Variants in ESR1 observed in about 807,000 individuals in gnomAD.
ESR1 encodes estrogen receptor.
In ESR1, 12 loss-of-function variants were observed where a neutral mutation model predicts 52.7. The ratio of observed to expected loss-of-function variants is 0.23; its 90% CI spans 0.15 to 0.37. ESR1 has a LOEUF of 0.37. Among genes scored for constraint, ESR1 ranks in the 10% least tolerant of loss-of-function variants. The pLI, the probability that ESR1 is intolerant of heterozygous loss-of-function variation, is 1.00. For synonymous variants in ESR1, 305 were observed against 316.8 expected (o/e 0.96, Z 0.39); for missense variants, 584 against 779.7 (o/e 0.75, Z 2.99).
At chr6:151,676,834 GAC>G (rs1475313406) in intron 1 of ESR1, among the ~76,000 whole-genome samples, 1 of 152,132 alleles carries the variant, frequency 6.6e-6, no homozygotes, top group Non-Finnish European at 1.5e-5. Context: ...CTTATCTCAA[GAC>G]ACATATATTC....
chr6:151,900,382 A>C (rs1052388933), intron 3 of ESR1, among the ~76,000 whole-genome samples: 2 of 151,956 alleles, frequency 1.3e-5, no homozygotes, highest in African/African-American at 4.8e-5. Flanking sequence ...ATTGGACTTC[A>C]CCTTTCTCTG....
At chr6:151,675,332 T>C (rs1480479880) in intron 1 of ESR1, among the ~76,000 whole-genome samples, 2 of 152,254 alleles carry the variant, frequency 1.3e-5, no homozygotes, top group South Asian at 4.2e-4. Context: ...GGTCCAAACT[T>C]ATGTTCTTGC....
Position 151,669,847 on chromosome 6 carries a change from T to C in ESR1, n.73+13084T>C, listed in dbSNP as rs2115245787. ...CAGAATCAACACAAGGTTTTTCTTA[T>C]AATGGATGAGAGATTGTAAAACACA... is the stretch of plus-strand genomic sequence containing the variant. On this transcript the variant is annotated intron_variant and non_coding_transcript_variant, in intron 1 of 2. Transcript: ENST00000473497. Among the ~76,000 whole-genome samples, 4 of 152,262 alleles carry C rather than the reference T, an allele frequency of 2.6e-5. No homozygotes were observed. The Middle Eastern group carries it at 0.01, about 388-fold the overall frequency.
At chr6:151,885,011 C>G (rs959811260) in intron 3 of ESR1, among the ~76,000 whole-genome samples, 1 of 151,950 alleles carries the variant, frequency 6.6e-6, no homozygotes, top group Non-Finnish European at 1.5e-5. Flanking sequence ...TCCATAAACT[C>G]CATGATGGCG....
intron 4 of ESR1, among the ~76,000 whole-genome samples, chr6:151,962,394 GT>G (rs1378668267): frequency 7.9e-5 from 12 of 152,088 alleles, no homozygotes; most frequent in Non-Finnish European, 1.3e-4. Context: ...CCTGAAATGG[GT>G]TTTCCACTCT....
intron 1 of ESR1, among the ~76,000 whole-genome samples, chr6:151,833,088 G>A (rs1023224822): frequency 2.0e-5 from 3 of 152,282 alleles, no homozygotes; most frequent in African/African-American, 7.2e-5. Flanking sequence ...TTGTCACTCA[G>A]GAGGTTTTTG....
chr6:151,896,734 G>A (rs571674455), intron 3 of ESR1, among the ~76,000 whole-genome samples: 2 of 148,162 alleles, frequency 1.3e-5, no homozygotes, highest in African/African-American at 4.9e-5. Flanking sequence ...TTTGGGTTTC[G>A]TTTGTTTTTA....
chr6:151,974,305 CTT>C (rs1404459442), intron 4 of ESR1, among the ~76,000 whole-genome samples: 2 of 152,094 alleles, frequency 1.3e-5, no homozygotes, highest in East Asian at 3.9e-4. Flanking sequence ...TGGCTAAGCA[CTT>C]TACATGTTTT....
chr6:151,920,271 T>A (rs2031355652), intron 3 of ESR1, among the ~76,000 whole-genome samples: 1 of 151,612 alleles, frequency 6.6e-6, no homozygotes, highest in Admixed American at 6.6e-5. Context: ...AATTTTAATA[T>A]TATATGAAAG....
In ESR1 at chr6:151,857,049, T is replaced by C. The variant is rs11961347; in HGVS notation, c.643+14262T>C. 8.5e-3 allele frequency among the ~76,000 whole-genome samples: 1,294 copies of C among 152,294 alleles called. 26 individuals are homozygous for C. The highest frequency in any genetic ancestry group is 0.03 in the African/African-American group (1,247 of 41,558). On this transcript the variant is annotated intron_variant, in intron 2 of 7. Coordinates refer to ENST00000206249, the MANE Select transcript of ESR1 (RefSeq NM_000125.4). The stretch of plus-strand genomic sequence containing the variant: ...ATTCAAGAGTTTCTTGTAAACACTT[T>C]GTGTGTGCGTGTGTATTCATATATG...
chr6:151,790,355 C>T (rs1234589035), intron 2 of ESR1, among the ~76,000 whole-genome samples: 2 of 152,170 alleles, frequency 1.3e-5, no homozygotes, highest in African/African-American at 2.4e-5. Context: ...TTTCAGGTGT[C>T]ACCACGTCCA....
At chr6:151,897,421 A>G (rs527277696) in intron 3 of ESR1, among the ~76,000 whole-genome samples, 105 of 152,314 alleles carry the variant, frequency 6.9e-4, no homozygotes, top group Non-Finnish European at 1.2e-3. Flanking sequence ...AAGGCCTTTT[A>G]TCATTATATA....
chr6:151,953,450 C>T (rs1025738249), intron 4 of ESR1, among the ~76,000 whole-genome samples: 12 of 152,004 alleles, frequency 7.9e-5, no homozygotes, highest in Admixed American at 2.0e-4. Flanking sequence ...CCGGCCAGTG[C>T]GGTGGCTCAT....
intron 1 of ESR1, among the ~76,000 whole-genome samples, chr6:151,825,001 A>G (rs911727407): frequency 1.3e-5 from 2 of 152,186 alleles, no homozygotes; most frequent in South Asian, 2.1e-4. Flanking sequence ...GATCATGAGT[A>G]TTATAAAAAT....
chr6:151,665,488 C>A (rs1300028008), intron 1 of ESR1, among the ~76,000 whole-genome samples: 2 of 152,296 alleles, frequency 1.3e-5, no homozygotes, highest in East Asian at 3.9e-4. Flanking sequence ...CTGGAAGCCA[C>A]CAGATCCTAG....
chr6:152,090,505 G>A (rs1431149347), intron 6 of ESR1, among the ~76,000 whole-genome samples: 1 of 152,194 alleles, frequency 6.6e-6, no homozygotes, highest in East Asian at 1.9e-4. Context: ...ACATTTAGAT[G>A]TGTCCCCCAT....
At chr6:151,704,251 T>C (rs1188798303) in intron 2 of ESR1, among the ~76,000 whole-genome samples, 1 of 152,244 alleles carries the variant, frequency 6.6e-6, no homozygotes, top group Non-Finnish European at 1.5e-5. Flanking sequence ...TTTGTTTTAT[T>C]TGAGACTGAG....
Position 151,662,802 on chromosome 6 carries a change from T to C in ESR1, n.73+6039T>C, listed in dbSNP as rs545844851. The stretch of plus-strand genomic sequence containing the variant: ...TAGTGGCAAAGAAGAGTTTTCGAAG[T>C]CTTTAGCATGTATTAAACGAAGAAT... On this transcript the variant is annotated intron_variant and non_coding_transcript_variant, in intron 1 of 2. Transcript: ENST00000473497. Among the ~76,000 whole-genome samples the C allele has an allele frequency of 4.6e-5, 7 of 152,322 alleles. No individual in the cohort carries two copies. In the East Asian group the frequency reaches 1.3e-3, roughly 29 times the overall value.
chr6:151,984,431 T>G (rs1183113925), intron 4 of ESR1, among the ~76,000 whole-genome samples: 11 of 152,156 alleles, frequency 7.2e-5, no homozygotes, highest in African/African-American at 2.7e-4. Context: ...TAGCAACAAC[T>G]AACTTGGTAA....
Sources: allele counts gnomAD v4.1 joint callset (sites outside exome capture counted in the v4.1 genomes callset), GRCh38; gene constraint gnomAD v4.1.1; transcripts MANE v1.5; gene names NCBI Gene and HGNC (gene_info 2026-07-23, HGNC 2026-07-21).